SDC3: variants seen among roughly 807,000 people sequenced by gnomAD.
The protein encoded by SDC3 is syndecan-3.
SDC3 carries 13 observed loss-of-function variants against 24.4 expected under a neutral mutation model. The ratio of observed to expected loss-of-function variants is 0.53; its 90% confidence interval spans 0.35 to 0.85. SDC3 has a LOEUF of 0.85. Among genes scored for constraint, SDC3 ranks in the 40% least tolerant of loss-of-function variants. The pLI, the probability that SDC3 is intolerant of heterozygous loss-of-function variation, is 0.01. For synonymous variants in SDC3, 295 were observed against 260.9 expected (o/e 1.13, Z -1.26); for missense variants, 571 against 584.5 (o/e 0.98, Z 0.24).
At position 30,870,726 on chromosome 1, in the gene SDC3, C is replaced by T. The variant is rs897715261; in HGVS notation, c.*2485G>A. The T allele has an allele frequency of 5.2e-5, 8 of 152,536 alleles. No individual in the cohort carries two copies. The highest frequency in any genetic ancestry group is 7.3e-5 in the Non-Finnish European group (5 of 68,290). 9.4% of individuals were successfully genotyped at this position (152,536 alleles called of 1,614,324 possible). ...CCCAAGCCCCAAATCAGAAGCCAAC[C>T]CCTGGGATGTGAGGAGCCAGGCCTG... On this transcript the variant is annotated 3_prime_UTR_variant, in exon 5 of 5. Transcript: ENST00000339394.
chr1:30,887,276 G>A (rs78929636), intron 1 of SDC3, among the ~76,000 whole-genome samples: 6 of 151,802 alleles, frequency 4.0e-5, no homozygotes, highest in African/African-American at 1.2e-4. Context: ...AGGGTTGCCC[G>A]CTCCTGGGGC....
intron 1 of SDC3, among the ~76,000 whole-genome samples, chr1:30,905,120 GC>G (rs1302758428): frequency 6.6e-6 from 1 of 152,030 alleles, no homozygotes; most frequent in African/African-American, 2.4e-5. Context: ...GCCCAGAACA[GC>G]CCAGGGGCCC....
rs369784679 is a variant in SDC3, at chr1:30,895,842, G to A, written c.138+12607C>T. Among the ~76,000 whole-genome samples the A allele has an allele frequency of 1.3e-3, 174 of 129,192 alleles. 2 individuals are homozygous for A. Among genetic ancestry groups the A allele is most frequent in the African/African-American group, 4.6e-3 (169 of 37,004 alleles). The allele number at this position is 129,192 out of a possible 152,430, so 84.8% of individuals were successfully genotyped here. Reference sequence around the variant, plus strand: ...GGGAAGCAGAGCAGGGGGAGGAAGCGAGTAAGAGGAGGAGGGTGGGAGGAG... The same window carrying A: ...GGGAAGCAGAGCAGGGGGAGGAAGCAAGTAAGAGGAGGAGGGTGGGAGGAG... On this transcript the variant is annotated intron_variant, in intron 1 of 4. Transcript: ENST00000339394.
chr1:30,899,546 G>A (rs180852878), intron 1 of SDC3, among the ~76,000 whole-genome samples: 182 of 151,928 alleles, frequency 1.2e-3, no homozygotes, highest in African/African-American at 4.3e-3. Context: ...TAATTTTTGT[G>A]TCTTTAGTAG....
intron 1 of SDC3, among the ~76,000 whole-genome samples, chr1:30,905,310 A>AC (rs1183081203): frequency 1.4e-4 from 3 of 21,844 alleles, no homozygotes; most frequent in Admixed American, 4.4e-4. Flanking sequence ...CCCCCACCCC[A>AC]CCCCACCCCC....
chr1:30,892,885 C>T (rs1452595856), intron 1 of SDC3, among the ~76,000 whole-genome samples: 1 of 152,138 alleles, frequency 6.6e-6, no homozygotes, highest in African/African-American at 2.4e-5. Flanking sequence ...AGTCCAAGTC[C>T]ATGTCAAGTC....
chr1:30,902,943 T>A (rs981703248), intron 1 of SDC3, among the ~76,000 whole-genome samples: 1 of 152,206 alleles, frequency 6.6e-6, no homozygotes, highest in Non-Finnish European at 1.5e-5. Context: ...TATTCCCTCA[T>A]TCATTCATTC....
chr1:30,879,700 T>C (rs997991165), intron 1 of SDC3, among the ~76,000 whole-genome samples: 7 of 152,124 alleles, frequency 4.6e-5, no homozygotes, highest in Non-Finnish European at 1.0e-4. Flanking sequence ...TTTCTATCCT[T>C]CCCAGTAGGC....
chr1:30,877,270 C>G, intron 2 of SDC3, 105 bp from the exon 3 acceptor site: 2 of 1,416,878 alleles, frequency 1.4e-6, no homozygotes, highest in Non-Finnish European at 2.0e-6. Context: ...TCCCAACCCC[C>G]TCTCTTTACC....
At chr1:30,893,924 G>A (rs12138924) in intron 1 of SDC3, among the ~76,000 whole-genome samples, 76,205 of 151,708 alleles carry the variant, frequency 0.5, 19,977 homozygotes, top group South Asian at 0.68. Flanking sequence ...GTGCGGGGGA[G>A]TGAGAAGTGT....
chr1:30,895,740 C>G (rs1454439733), intron 1 of SDC3, among the ~76,000 whole-genome samples: 1 of 152,098 alleles, frequency 6.6e-6, no homozygotes, highest in Non-Finnish European at 1.5e-5. Flanking sequence ...GGGGAGCCCT[C>G]AGGTTCTGGC....
chr1:30,908,443 A>G lies in SDC3; in HGVS notation c.138+6T>C. 1.9e-6 allele frequency: 2 copies of G among 1,033,694 alleles called. No homozygotes were observed. The highest frequency in any genetic ancestry group is 3.1e-5 in the South Asian group (1 of 31,770). 64.0% of individuals were successfully genotyped at this position (1,033,694 alleles called of 1,614,324 possible). A position where few individuals can be genotyped will look rare whatever the true frequency, so the allele number is the denominator to read the frequency against. On this transcript the variant is annotated splice_donor_region_variant and intron_variant, in intron 1 of 4. Transcript: ENST00000339394. The stretch of plus-strand genomic sequence containing the variant: ...CGTGGCGGGGATCCGGGCGCGTGTC[A>G]CTCACCCCCGCGGCGCGCCCCGCCA...
At chr1:30,879,165 C>T (rs1180985214) in intron 1 of SDC3, among the ~76,000 whole-genome samples, 1 of 152,130 alleles carries the variant, frequency 6.6e-6, no homozygotes, top group African/African-American at 2.4e-5. Context: ...CCTCTCACCC[C>T]CTGCCACTGA....
rs1410170145 is a variant in SDC3 at position 30,874,394 on chromosome 1, G to T, written c.1065C>A (p.Arg355=). 8.1e-6 allele frequency: 13 copies of T among 1,613,942 alleles called. No homozygotes were observed. The highest frequency in any genetic ancestry group is 1.1e-5 in the Non-Finnish European group (13 of 1,179,972). ...CATTGTCCAGGAGGCCAGGGCCCGG[G>T]CGGGCACCCTTGGGCAGTGTCCCAG... is the stretch of plus-strand genomic sequence containing the variant. ...SPPGTLPKGA[R]PGPGLLDNAI... is the part of the protein sequence containing the mutation. Residue 355 remains arginine (R), a synonymous_variant, in exon 4 of 5, where the codon CGC becomes CGA. Transcript: ENST00000339394.
chr1:30,874,298 T>A lies in SDC3; in HGVS notation c.1161A>T (p.Val387=), dbSNP rs1466295800. 1 of 1,604,324 alleles carries A rather than the reference T, an allele frequency of 6.2e-7. No individual in the cohort carries two copies. Among genetic ancestry groups the A allele is most frequent in the Admixed American group, 1.7e-5 (1 of 59,806 alleles). The change falls in exon 4 of 5, where the codon GTA becomes GTT. Residue 387 remains valine (V), a splice_region_variant and synonymous_variant. Transcript: ENST00000339394. ...KSILERKEVL[V]AVIVGGVVGA... Reference sequence around the variant, plus strand: ...CTTGGCCCAGACCCCAAGCCTCACCTACGAGCACCTCCTTCCGCTCCAGGA... The same window carrying A: ...CTTGGCCCAGACCCCAAGCCTCACCAACGAGCACCTCCTTCCGCTCCAGGA...
intron 1 of SDC3, among the ~76,000 whole-genome samples, chr1:30,894,357 TGTGTGA>T (rs1389962985): frequency 1.7e-5 from 2 of 114,302 alleles, no homozygotes; most frequent in African/African-American, 7.9e-5. Context: ...TGGATGAGTG[TGTGTGA>T]GTGTGTGTGT....
At chr1:30,886,454 A>G (rs957235817) in intron 1 of SDC3, among the ~76,000 whole-genome samples, 1 of 152,082 alleles carries the variant, frequency 6.6e-6, no homozygotes, top group Non-Finnish European at 1.5e-5. Context: ...GTCATTTACT[A>G]AGGGAGAAGG....
upstream of SDC3, chr1:30,908,862 C>T (rs1459704782): frequency 6.3e-3 from 4 of 634 alleles, no homozygotes; most frequent in Non-Finnish European, 0.054. Context: ...GGCCCCAGTG[C>T]GCCCCCCGCG....
intron 1 of SDC3, among the ~76,000 whole-genome samples, chr1:30,904,090 T>C (rs954830211): frequency 6.6e-6 from 1 of 152,046 alleles, no homozygotes; most frequent in Admixed American, 6.6e-5. Flanking sequence ...GCAGGTGTGG[T>C]GTCAGGTGCC....
Sources: allele counts gnomAD v4.1 joint callset (sites outside exome capture counted in the v4.1 genomes callset), GRCh38; gene constraint gnomAD v4.1.1; transcripts MANE v1.5; gene names NCBI Gene and HGNC (gene_info 2026-07-23, HGNC 2026-07-21).